ART3: variants seen among roughly 807,000 people sequenced by gnomAD.
The protein encoded by ART3 is ADP-ribosyltransferase 3 (inactive), also known as ecto-ADP-ribosyltransferase 3.
ART3 carries 49 observed loss-of-function variants against 48.5 expected under a neutral mutation model. The observed-to-expected ratio is 1.01, with a 90% CI of 0.80 to 1.28. The LOEUF (loss-of-function observed/expected upper bound fraction) is 1.28, where lower values mean the gene tolerates loss of function less well. Ranked by LOEUF, ART3 falls within the 50% of genes most tolerant of loss-of-function variation. The pLI is 0.00. For synonymous variants in ART3, 145 were observed against 157.2 expected (o/e 0.92, Z 0.58); for missense variants, 438 against 454.3 (o/e 0.96, Z 0.33).
At chr4:76,076,499 A>C (rs1721110927) in intron 2 of ART3, among the ~76,000 whole-genome samples, 1 of 152,222 alleles carries the variant, frequency 6.6e-6, no homozygotes, top group Non-Finnish European at 1.5e-5. Context: ...TAATTCCTCC[A>C]CTCAGAGGGA....
chr4:76,082,715 A>G (rs915882013), intron 3 of ART3, among the ~76,000 whole-genome samples, 180 bp downstream of exon 3: 2 of 152,164 alleles, frequency 1.3e-5, no homozygotes, highest in African/African-American at 2.4e-5. Context: ...CATTTACAGT[A>G]TTATTAAAAG....
At chr4:76,051,577 T>A (rs1203178105) in intron 1 of ART3, among the ~76,000 whole-genome samples, 1 of 152,218 alleles carries the variant, frequency 6.6e-6, no homozygotes, top group Non-Finnish European at 1.5e-5. Context: ...ACCTGCTCTA[T>A]CGCCCAGGCT....
chr4:76,032,143 T>G (rs1560583632), intron 1 of ART3, among the ~76,000 whole-genome samples: 1 of 152,168 alleles, frequency 6.6e-6, no homozygotes, highest in East Asian at 1.9e-4. Context: ...TTCTTCTCAG[T>G]AATAATGTAC....
At chr4:76,021,839 A>C in intron 1 of ART3, 2 of 1,233,854 alleles carry the variant, frequency 1.6e-6, no homozygotes, top group South Asian at 2.4e-5. Flanking sequence ...TTATGGCTTG[A>C]CATATACTCC....
chr4:76,102,400 G>A (rs116604974), intron 8 of ART3, among the ~76,000 whole-genome samples: 2,580 of 152,220 alleles, frequency 0.017, 47 homozygotes, highest in African/African-American at 0.046. Context: ...ACTCCATTTC[G>A]ATTTTTAGTC....
At chr4:76,108,263 G>T (rs1728843775) in intron 11 of ART3, among the ~76,000 whole-genome samples, 1 of 151,882 alleles carries the variant, frequency 6.6e-6, no homozygotes, top group African/African-American at 2.4e-5. Flanking sequence ...AAATAAATTT[G>T]GGTTGAAGAG....
intron 3 of ART3, among the ~76,000 whole-genome samples, chr4:76,088,261 T>A (rs1021757518): frequency 1.4e-5 from 2 of 144,674 alleles, no homozygotes; most frequent in Non-Finnish European, 3.0e-5. Flanking sequence ...TTTTTTTTTT[T>A]ACTGAACAGA....
intron 1 of ART3, among the ~76,000 whole-genome samples, chr4:76,031,300 C>T (rs141996075): frequency 2.6e-5 from 4 of 151,510 alleles, no homozygotes; most frequent in Admixed American, 1.3e-4. Flanking sequence ...TGTAAATGTA[C>T]GTAAAATAAA....
At chr4:76,027,107 G>C (rs1733457485) in intron 1 of ART3, among the ~76,000 whole-genome samples, 1 of 152,062 alleles carries the variant, frequency 6.6e-6, no homozygotes, top group Non-Finnish European at 1.5e-5. Flanking sequence ...CAAAAAATTG[G>C]CTGGGCGTGG....
At chr4:76,071,034 A>G (rs1212653039), upstream of ART3, among the ~76,000 whole-genome samples, 2 of 152,010 alleles carry the variant, frequency 1.3e-5, no homozygotes, top group Admixed American at 6.6e-5. Context: ...CATATCCAAC[A>G]TGCTGGTTTT....
chr4:76,083,121 C>G (rs1722839687), intron 3 of ART3, among the ~76,000 whole-genome samples: 1 of 152,098 alleles, frequency 6.6e-6, no homozygotes, highest in Non-Finnish European at 1.5e-5. Context: ...TTGCTTGAGC[C>G]CAAGAAGTCC....
At chr4:76,068,584 C>A (rs1719970564) in intron 1 of ART3, among the ~76,000 whole-genome samples, 1 of 151,912 alleles carries the variant, frequency 6.6e-6, no homozygotes, top group African/African-American at 2.4e-5. Context: ...CATGAGAACA[C>A]ATGGACACAA....
intron 9 of ART3, 92 bp from the exon 10 acceptor site, chr4:76,104,505 T>C: frequency 6.5e-7 from 1 of 1,544,168 alleles, no homozygotes; most frequent in Admixed American, 2.0e-5. Flanking sequence ...GGGCCTTGGG[T>C]GCTTGCATCT....
chr4:76,052,625 G>C (rs200283325), intron 1 of ART3, among the ~76,000 whole-genome samples: 2 of 151,860 alleles, frequency 1.3e-5, no homozygotes, highest in Admixed American at 6.6e-5. Context: ...AGTCTCCACT[G>C]TCTATCATTC....
At chr4:76,088,314 A>G (rs1431887376) in intron 3 of ART3, among the ~76,000 whole-genome samples, 4 of 151,808 alleles carry the variant, frequency 2.6e-5, no homozygotes, top group African/African-American at 7.3e-5. Flanking sequence ...GTTTCCATAG[A>G]GAGAGGCGTG....
At chr4:76,093,881 A>G (rs1352270470) in intron 3 of ART3, among the ~76,000 whole-genome samples, 1 of 152,204 alleles carries the variant, frequency 6.6e-6, no homozygotes, top group African/African-American at 2.4e-5. Flanking sequence ...ACACTACTGA[A>G]TGTATCCCCC....
chr4:76,017,300 C>G (rs1010244261), intron 1 of ART3, among the ~76,000 whole-genome samples: 1 of 151,862 alleles, frequency 6.6e-6, no homozygotes, highest in Non-Finnish European at 1.5e-5. Flanking sequence ...ATGAATCCTA[C>G]CAGCAGTGGG....
At chr4:76,068,543 A>G (rs75360941) in intron 1 of ART3, among the ~76,000 whole-genome samples, 8,076 of 152,232 alleles carry the variant, frequency 0.053, 250 homozygotes, top group South Asian at 0.14. Flanking sequence ...ACCAAATATC[A>G]CATGTTACCA....
intron 3 of ART3, among the ~76,000 whole-genome samples, chr4:76,088,740 G>A (rs145006709): frequency 5.9e-5 from 9 of 152,160 alleles, no homozygotes; most frequent in African/African-American, 9.6e-5. Context: ...TAAGAAATTC[G>A]TACTTCTAAA....
Sources: allele counts gnomAD v4.1 joint callset (sites outside exome capture counted in the v4.1 genomes callset), GRCh38; gene constraint gnomAD v4.1.1; transcripts MANE v1.5; gene names NCBI Gene and HGNC (gene_info 2026-07-23, HGNC 2026-07-21).